The following MTCL3 variants were observed in gnomAD, a reference collection of about 807,000 sequenced individuals.
MTCL3 encodes the protein MTCL family member 3.
the MTCL3 span, chr6:127,513,096 A>T: frequency 6.7e-7 from 1 of 1,493,338 alleles, no homozygotes; most frequent in Non-Finnish European, 9.0e-7. Context: ...ATGACAATAT[A>T]ATAAGGGCTA....
the MTCL3 span, among the ~76,000 whole-genome samples, chr6:127,503,566 G>C: frequency 6.6e-6 from 1 of 152,176 alleles, no homozygotes; most frequent in African/African-American, 2.4e-5. Flanking sequence ...GCACAAAGAA[G>C]TTAAACTGCA....
chr6:127,519,276 G>C, the MTCL3 span: 3 of 152,208 alleles, frequency 2.0e-5, no homozygotes, highest in Non-Finnish European at 4.4e-5. Context: ...CAAGGAGGCG[G>C]ACTAGAACAG....
At chr6:127,504,513 G>T in the MTCL3 span, among the ~76,000 whole-genome samples, 35 of 152,190 alleles carry the variant, frequency 2.3e-4, no homozygotes, top group African/African-American at 7.7e-4. Context: ...GCCACTACTG[G>T]GAGCAAGGCC....
the MTCL3 span, among the ~76,000 whole-genome samples, chr6:127,501,075 G>A: frequency 1.3e-5 from 2 of 152,228 alleles, no homozygotes; most frequent in Admixed American, 1.3e-4. Context: ...GCCTCCCAAA[G>A]TGTTGGGATT....
the MTCL3 span, chr6:127,483,033 T>A: frequency 6.9e-7 from 1 of 1,455,706 alleles, no homozygotes; most frequent in East Asian, 2.3e-5. Context: ...TAATTTTAAT[T>A]CAATTTTATG....
At chr6:127,474,267 T>C in the MTCL3 span, among the ~76,000 whole-genome samples, 1 of 152,166 alleles carries the variant, frequency 6.6e-6, no homozygotes, top group Non-Finnish European at 1.5e-5. Context: ...TCAGTTCTGT[T>C]TTATTTAATT....
chr6:127,516,992 T>G, the MTCL3 span, among the ~76,000 whole-genome samples: 1 of 152,052 alleles, frequency 6.6e-6, no homozygotes, highest in East Asian at 1.9e-4. Flanking sequence ...CAGACAGGAA[T>G]TGATGGAAAG....
chr6:127,493,373 T>C, the MTCL3 span, among the ~76,000 whole-genome samples: 1 of 152,218 alleles, frequency 6.6e-6, no homozygotes, highest in Non-Finnish European at 1.5e-5. Context: ...AATTCATTGA[T>C]TCTAATAAAT....
chr6:127,500,297 C>T, the MTCL3 span, among the ~76,000 whole-genome samples: 1 of 152,136 alleles, frequency 6.6e-6, no homozygotes, highest in African/African-American at 2.4e-5. Flanking sequence ...TATAATAAGA[C>T]ATATTTTTTT....
chr6:127,476,280 A>G, the MTCL3 span: 2 of 1,613,938 alleles, frequency 1.2e-6, no homozygotes, highest in Non-Finnish European at 1.7e-6. The surrounding 1 kb of genome is among the most constrained non-coding windows in gnomAD (Gnocchi z 4.4). Flanking sequence ...CGGCCTCCCT[A>G]GTGCTGGGAG....
chr6:127,487,142 C>T, the MTCL3 span, among the ~76,000 whole-genome samples: 2 of 152,284 alleles, frequency 1.3e-5, no homozygotes, highest in African/African-American at 4.8e-5. Flanking sequence ...ATGGATTTAT[C>T]GCTCAGCTAG....
chr6:127,481,022 C>T, the MTCL3 span, among the ~76,000 whole-genome samples: 1 of 152,144 alleles, frequency 6.6e-6, no homozygotes, highest in Non-Finnish European at 1.5e-5. Flanking sequence ...TGCATAGCAT[C>T]TTGACTTTTT....
the MTCL3 span, among the ~76,000 whole-genome samples, chr6:127,502,763 C>T: frequency 2.6e-5 from 4 of 152,126 alleles, no homozygotes; most frequent in African/African-American, 9.7e-5. Flanking sequence ...AGCACCTTCA[C>T]ATATGTTATC....
At chr6:127,480,824 A>T in the MTCL3 span, among the ~76,000 whole-genome samples, 1 of 152,238 alleles carries the variant, frequency 6.6e-6, no homozygotes, top group Non-Finnish European at 1.5e-5. Context: ...TTTTGTAAAA[A>T]TTGACCATTT....
chr6:127,479,400 T>A, the MTCL3 span, among the ~76,000 whole-genome samples: 1 of 152,218 alleles, frequency 6.6e-6, no homozygotes. Flanking sequence ...TTATTTGACA[T>A]GCAAGAGTAG....
the MTCL3 span, among the ~76,000 whole-genome samples, chr6:127,504,122 T>C: frequency 6.6e-6 from 1 of 152,114 alleles, no homozygotes; most frequent in African/African-American, 2.4e-5. Context: ...ATTATTGTAA[T>C]ATTACAGAAG....
At chr6:127,513,406 T>C in the MTCL3 span, among the ~76,000 whole-genome samples, 1 of 152,228 alleles carries the variant, frequency 6.6e-6, no homozygotes, top group South Asian at 2.1e-4. Flanking sequence ...AAAAATGTTC[T>C]ATTGCATTTT....
chr6:127,502,211 T>C, the MTCL3 span, among the ~76,000 whole-genome samples: 3 of 152,208 alleles, frequency 2.0e-5, no homozygotes, highest in African/African-American at 7.2e-5. Context: ...AAAACTACAA[T>C]GCAAACTAAA....
chr6:127,512,010 T>C, the MTCL3 span, among the ~76,000 whole-genome samples: 21 of 152,240 alleles, frequency 1.4e-4, no homozygotes, highest in Non-Finnish European at 2.5e-4. Context: ...GCATTTGCTA[T>C]TTCTCAATGG....
Sources: gnomAD v4.1 joint callset for allele counts (sites outside exome capture counted in the v4.1 genomes callset) on GRCh38, gnomAD v4.1.1 for gene constraint, Gnocchi (gnomAD v3.1) non-coding constraint, MANE v1.5 for transcripts, NCBI Gene and HGNC (gene_info 2026-07-23, HGNC 2026-07-21) for gene names.